Variants in ATP11B observed in about 807,000 individuals in gnomAD.
ATP11B encodes the protein phospholipid-transporting ATPase IF.
A neutral mutation model predicts 157.8 loss-of-function variants in ATP11B; 81 were observed. The observed-to-expected ratio is 0.51, with a 90% CI of 0.43 to 0.62. The LOEUF is 0.62. Among genes scored for constraint, ATP11B ranks in the 20% least tolerant of loss-of-function variants. The pLI is 0.00. For synonymous variants in ATP11B, 451 were observed against 469.4 expected (o/e 0.96, Z 0.51); for missense variants, 1,165 against 1,402.2 (o/e 0.83, Z 2.70).
At chr3:182,848,717 G>GCA (rs1278951075) in intron 10 of ATP11B, among the ~76,000 whole-genome samples, 160 bp downstream of exon 10, 2 of 151,758 alleles carry the variant, frequency 1.3e-5, no homozygotes, top group African/African-American at 4.8e-5. Context: ...GTAACATTTT[G>GCA]CACAGTATTG....
At chr3:182,811,387 C>T (rs1716655169) in intron 1 of ATP11B, among the ~76,000 whole-genome samples, 1 of 152,142 alleles carries the variant, frequency 6.6e-6, no homozygotes, top group Non-Finnish European at 1.5e-5. Flanking sequence ...GCTCATAGGA[C>T]AGTTCTTCAT....
intron 9 of ATP11B, 48 bp from the exon 10 acceptor site, chr3:182,848,428 A>G: frequency 9.6e-7 from 1 of 1,042,066 alleles, no homozygotes; most frequent in Non-Finnish European, 1.3e-6. Flanking sequence ...TTTCTTGTGA[A>G]ACATGCTAGA....
chr3:182,869,643 CAT>C (rs928596457), intron 17 of ATP11B, among the ~76,000 whole-genome samples: 45 of 152,178 alleles, frequency 3.0e-4, no homozygotes, highest in African/African-American at 1.0e-3. Context: ...CCCTTATACA[CAT>C]ATTGCTGGTA....
rs1457016245 is a variant in ATP11B, at chr3:182,842,057, A to T, written c.657-18A>T. On this transcript the variant is annotated intron_variant, in intron 7 of 29. Transcript: ENST00000323116. ...ATAAGTGATATTATATGTTTTTGTAATGTGAATTTTTTGATAGATTCATGG... is the reference window on the plus strand; with the variant it reads ...ATAAGTGATATTATATGTTTTTGTATTGTGAATTTTTTGATAGATTCATGG... The T allele has an allele frequency of 1.3e-6, 2 of 1,568,214 alleles. No individual in the cohort carries two copies. The highest frequency in any genetic ancestry group is 1.7e-5 in the Admixed American group (1 of 58,952).
intron 29 of ATP11B, chr3:182,914,816 T>A (rs143289516): frequency 2.7e-4 from 268 of 985,232 alleles, no homozygotes; most frequent in Middle Eastern, 5.2e-4. Context: ...ATTTAGAGGA[T>A]GTTAGGGGGT....
intron 28 of ATP11B, chr3:182,906,012 T>G (rs1724323400): frequency 2.8e-6 from 1 of 356,090 alleles, no homozygotes; most frequent in South Asian, 2.1e-5. Context: ...CATTTCCATT[T>G]CTTTACTAAT....
chr3:182,843,960 T>A (rs1372720640), intron 8 of ATP11B: 1 of 152,232 alleles, frequency 6.6e-6, no homozygotes, highest in Admixed American at 6.5e-5. Flanking sequence ...GCTGAATAAC[T>A]ATGCCTAGGT....
At chr3:182,809,074 T>G (rs1022994878) in intron 1 of ATP11B, among the ~76,000 whole-genome samples, 28 of 152,066 alleles carry the variant, frequency 1.8e-4, no homozygotes, top group African/African-American at 6.5e-4. Context: ...GTTTTACCGA[T>G]CTGTGAAATC....
At chr3:182,798,972 GT>G (rs1287819901) in intron 1 of ATP11B, among the ~76,000 whole-genome samples, 1 of 152,162 alleles carries the variant, frequency 6.6e-6, no homozygotes, top group Non-Finnish European at 1.5e-5. Context: ...CCATATTTCT[GT>G]TCTACAGCAT....
At chr3:182,822,109 C>CTT (rs533800000) in intron 2 of ATP11B, among the ~76,000 whole-genome samples, 1 of 141,344 alleles carries the variant, frequency 7.1e-6, no homozygotes, top group Admixed American at 7.1e-5. Flanking sequence ...TGACACAGTT[C>CTT]TTTTTTTTTT....
chr3:182,895,125 A>G (rs909004975), intron 25 of ATP11B, among the ~76,000 whole-genome samples: 9 of 151,382 alleles, frequency 5.9e-5, no homozygotes, highest in African/African-American at 9.7e-5. Flanking sequence ...AAAAAAAAAA[A>G]AAAAAAAAAA....
At chr3:182,799,832 G>A (rs1222376220) in intron 1 of ATP11B, among the ~76,000 whole-genome samples, 1 of 152,026 alleles carries the variant, frequency 6.6e-6, no homozygotes, top group African/African-American at 2.4e-5. Context: ...AAACATTCTA[G>A]GCCAGGTGTG....
chr3:182,865,329 C>A, intron 12 of ATP11B, 127 bp from the exon 13 acceptor site: 1 of 813,122 alleles, frequency 1.2e-6, no homozygotes, highest in Non-Finnish European at 1.9e-6. Context: ...ATAAGAATCT[C>A]AGCATCCATA....
At chr3:182,845,301 C>G (rs1719425708) in intron 8 of ATP11B, among the ~76,000 whole-genome samples, 157 bp from the exon 9 acceptor site, 2 of 152,170 alleles carry the variant, frequency 1.3e-5, no homozygotes, top group South Asian at 2.1e-4. Context: ...GCCACCACGC[C>G]CGGCCCCTGG....
intron 2 of ATP11B, among the ~76,000 whole-genome samples, chr3:182,823,463 C>T (rs1489448977): frequency 6.6e-6 from 1 of 151,870 alleles, no homozygotes; most frequent in African/African-American, 2.4e-5. Context: ...TGTTCTGTTC[C>T]ATTGGTCTAT....
chr3:182,868,960 T>C (rs1302834200), intron 15 of ATP11B, 118 bp from the exon 16 acceptor site: 2 of 614,228 alleles, frequency 3.3e-6, no homozygotes, highest in Admixed American at 6.7e-5. Context: ...ATGAAAATGG[T>C]ATTAATTCTT....
At chr3:182,839,222 G>A (rs896284508) in intron 7 of ATP11B, among the ~76,000 whole-genome samples, 3 of 152,158 alleles carry the variant, frequency 2.0e-5, no homozygotes, top group African/African-American at 7.2e-5. Context: ...ATAAGTGGGA[G>A]CTAACTGGTG....
rs1369506778 is a variant in ATP11B at position 182,857,966 on chromosome 3, G to A, written c.940G>A (p.Glu314Lys). ...TATCTTGAAGTATACATGGCAAGCT[G>A]AAGAAAAATGGGATGAACCTTGGTA... Reference protein sequence around the residue: ...STILKYTWQAEEKWDEPWYNQ... With the variant: ...STILKYTWQAKEKWDEPWYNQ... Residue 314 changes from glutamate (E) to lysine (K), a missense_variant, in exon 11 of 30, where the codon GAA becomes AAA. Coordinates refer to ENST00000323116, the MANE Select transcript of ATP11B (RefSeq NM_014616.3). 13 of 1,612,084 alleles carry A rather than the reference G, an allele frequency of 8.1e-6. No individual in the cohort carries two copies. Among genetic ancestry groups the A allele is most frequent in the Non-Finnish European group, 1.1e-5 (13 of 1,178,568 alleles).
intron 10 of ATP11B, among the ~76,000 whole-genome samples, chr3:182,850,992 TACAA>T (rs1161359260): frequency 6.6e-6 from 1 of 152,170 alleles, no homozygotes; most frequent in Non-Finnish European, 1.5e-5. Context: ...TGTTAAGTGA[TACAA>T]GCAAGCACAG....
Sources: gnomAD v4.1 joint callset for allele counts (sites outside exome capture counted in the v4.1 genomes callset) on GRCh38, gnomAD v4.1.1 for gene constraint, MANE v1.5 for transcripts, NCBI Gene and HGNC (gene_info 2026-07-23, HGNC 2026-07-21) for gene names.